The following UST variants were observed in gnomAD, a reference collection of about 807,000 sequenced individuals.
The protein encoded by UST is chondroitin sulfate 2-O-sulfotransferase.
In UST, 21 loss-of-function variants were observed where a neutral mutation model predicts 45.6. The ratio of observed to expected loss-of-function variants is 0.46; its 90% CI spans 0.33 to 0.66. The LOEUF (loss-of-function observed/expected upper bound fraction) is 0.66. Ranked by LOEUF, UST falls within the 30% of genes least tolerant of loss-of-function variation. UST has a pLI of 0.02. For synonymous variants in UST, 215 were observed against 200.6 expected (o/e 1.07, Z -0.61); for missense variants, 463 against 512.4 (o/e 0.90, Z 0.93).
At chr6:148,887,382 G>A (rs529938024) in intron 2 of UST, among the ~76,000 whole-genome samples, 17 of 152,322 alleles carry the variant, frequency 1.1e-4, no homozygotes, top group Admixed American at 2.0e-4. Context: ...CCATGCCTTC[G>A]GGCTTTGGGG....
intron 1 of UST, among the ~76,000 whole-genome samples, chr6:148,817,071 G>A (rs1044832369): frequency 7.9e-5 from 12 of 152,236 alleles, no homozygotes; most frequent in African/African-American, 2.9e-4. Flanking sequence ...GATAGGAATA[G>A]TTTTGAAGTA....
chr6:148,836,683 CTTGTT>C (rs1777791097), intron 1 of UST, among the ~76,000 whole-genome samples: 1 of 152,120 alleles, frequency 6.6e-6, no homozygotes, highest in Non-Finnish European at 1.5e-5. Context: ...CTCTTTAAGA[CTTGTT>C]ACTATTTTAA....
chr6:149,018,457 A>G (rs1775937159), intron 5 of UST, among the ~76,000 whole-genome samples: 2 of 152,264 alleles, frequency 1.3e-5, no homozygotes, highest in South Asian at 4.1e-4. Context: ...AATATGATCT[A>G]CCTTGATAAA....
At chr6:148,781,769 GT>G (rs1457258740) in intron 1 of UST, among the ~76,000 whole-genome samples, 1 of 152,128 alleles carries the variant, frequency 6.6e-6, no homozygotes, top group Non-Finnish European at 1.5e-5. Flanking sequence ...TGAACCCAGT[GT>G]TTATTTACCG....
intron 7 of UST, among the ~76,000 whole-genome samples, chr6:149,038,088 C>T (rs529031362): frequency 9.2e-5 from 14 of 151,954 alleles, no homozygotes; most frequent in Non-Finnish European, 1.9e-4. Context: ...CCTTTTTGAC[C>T]CAAAACCTTT....
At chr6:148,784,885 C>A (rs1180456782) in intron 1 of UST, among the ~76,000 whole-genome samples, 1 of 152,172 alleles carries the variant, frequency 6.6e-6, no homozygotes, top group Non-Finnish European at 1.5e-5. Context: ...AAGAGCAGAG[C>A]ATGGCCATGG....
intron 1 of UST, among the ~76,000 whole-genome samples, chr6:148,798,851 G>GATTTATTTATTTATTTATTT (rs67953897): frequency 2.0e-5 from 3 of 149,744 alleles, no homozygotes; most frequent in African/African-American, 7.4e-5. Context: ...GAGGAGATAG[G>GATTTATTTATTTATTTATTT]ATTTATTTAT....
At chr6:148,987,860 G>A (rs1489655537) in intron 5 of UST, among the ~76,000 whole-genome samples, 2 of 152,008 alleles carry the variant, frequency 1.3e-5, no homozygotes, top group African/African-American at 4.8e-5. Flanking sequence ...TTCATCAGAC[G>A]TGTATTCGTT....
chr6:148,759,642 A>T (rs1440949873), intron 1 of UST, among the ~76,000 whole-genome samples: 2 of 151,648 alleles, frequency 1.3e-5, no homozygotes, highest in Non-Finnish European at 2.9e-5. Flanking sequence ...AGGTGAGGAG[A>T]TCGAGACCGT....
intron 5 of UST, among the ~76,000 whole-genome samples, chr6:149,007,193 C>T (rs1332862563): frequency 1.4e-5 from 2 of 145,000 alleles, no homozygotes; most frequent in African/African-American, 2.6e-5. Context: ...GGTCTTGGCT[C>T]ACTGTAACCT....
chr6:148,926,777 C>G (rs1449054979), intron 2 of UST, among the ~76,000 whole-genome samples: 1 of 152,160 alleles, frequency 6.6e-6, no homozygotes, highest in Non-Finnish European at 1.5e-5. Flanking sequence ...CTCCCAACTT[C>G]AAGTGAGTCT....
At chr6:148,998,782 T>G (rs952721428) in intron 5 of UST, among the ~76,000 whole-genome samples, 1 of 152,250 alleles carries the variant, frequency 6.6e-6, no homozygotes, top group African/African-American at 2.4e-5. Context: ...CAGAATATAA[T>G]CAGCGCAGCC....
rs1780737863 is a variant in UST, at chr6:148,964,423, C to A, written c.541C>A (p.Gln181Lys). ...FLNFSRFGGD[Q>K]PVYINIIRDP... ...TGTTTGTGTTAGGTTTGGAGGAGACCAGCCTGTCTACATCAACATCATTAG... is the reference window on the plus strand; with the variant it reads ...TGTTTGTGTTAGGTTTGGAGGAGACAAGCCTGTCTACATCAACATCATTAG... The change falls in exon 5 of 8, where the codon CAG (glutamine) becomes AAG (lysine). Residue 181 changes from glutamine to lysine, a missense_variant. Coordinates refer to ENST00000367463, the MANE Select transcript of UST (RefSeq NM_005715.3). The A allele has an allele frequency of 6.2e-7, 1 of 1,614,014 alleles. No homozygotes were observed.
chr6:149,011,661 A>T (rs1355980907), intron 5 of UST, among the ~76,000 whole-genome samples: 5 of 152,108 alleles, frequency 3.3e-5, no homozygotes, highest in Non-Finnish European at 7.4e-5. Flanking sequence ...AAATACAAAA[A>T]CTAGCCGGGT....
intron 1 of UST, among the ~76,000 whole-genome samples, chr6:148,804,556 T>TA (rs1221432956): frequency 6.6e-6 from 1 of 152,202 alleles, no homozygotes; most frequent in Non-Finnish European, 1.5e-5. Flanking sequence ...GTGCCATCCT[T>TA]ACATTTCCTC....
At chr6:148,895,246 A>G (rs1204224283) in intron 2 of UST, among the ~76,000 whole-genome samples, 1 of 151,920 alleles carries the variant, frequency 6.6e-6, no homozygotes, top group African/African-American at 2.4e-5. Context: ...ATTCTCTCCA[A>G]TTTCTTCTAT....
At chr6:148,941,575 G>A (rs536226303) in intron 3 of UST, 141 bp downstream of exon 3, 6 of 1,023,406 alleles carry the variant, frequency 5.9e-6, no homozygotes, top group African/African-American at 4.9e-5. Context: ...TTGCCAGAGT[G>A]TGGAAGGAAA....
At chr6:148,793,264 C>A (rs1776885350) in intron 1 of UST, among the ~76,000 whole-genome samples, 1 of 145,652 alleles carries the variant, frequency 6.9e-6, no homozygotes, top group Non-Finnish European at 1.5e-5. Context: ...ATAGGAGTTA[C>A]TTTTGTAATA....
chr6:149,011,716 G>GTAGTTCCAGCTACT (rs1340501964), intron 5 of UST, among the ~76,000 whole-genome samples: 1 of 152,166 alleles, frequency 6.6e-6, no homozygotes, highest in African/African-American at 2.4e-5. Flanking sequence ...GGAGGCTGAG[G>GTAGTTCCAGCTACT]CAGGAGAATT....
Sources: allele counts gnomAD v4.1 joint callset (sites outside exome capture counted in the v4.1 genomes callset), GRCh38; gene constraint gnomAD v4.1.1; transcripts MANE v1.5; gene names NCBI Gene and HGNC (gene_info 2026-07-23, HGNC 2026-07-21).